DEUP1: variants seen among roughly 807,000 people sequenced by gnomAD.
DEUP1 encodes deuterosome assembly protein 1, also known as coiled-coil domain containing 67.
In DEUP1, 82 loss-of-function variants were observed where a neutral mutation model predicts 87.4. That is an observed-to-expected ratio of 0.94 (90% CI 0.78 to 1.13). DEUP1 has a LOEUF of 1.13. Ranked by LOEUF, DEUP1 falls within the 50% of genes most tolerant of loss-of-function variation. DEUP1 has a pLI of 0.00. For missense variants in DEUP1, 663 were observed against 681.5 expected (o/e 0.97, Z 0.30); for synonymous variants, 214 against 222.7 (o/e 0.96, Z 0.35).
chr11:93,356,435 A>G (rs1944899660), intron 3 of DEUP1, among the ~76,000 whole-genome samples: 1 of 152,204 alleles, frequency 6.6e-6, no homozygotes, highest in Non-Finnish European at 1.5e-5. Flanking sequence ...AGATATGTAA[A>G]CAAGTGCCTC....
At chr11:93,405,101 G>C (rs1947230222) in intron 11 of DEUP1, among the ~76,000 whole-genome samples, 1 of 151,764 alleles carries the variant, frequency 6.6e-6, no homozygotes, top group African/African-American at 2.4e-5. Flanking sequence ...TATAGGAAAA[G>C]CTTAAACAAA....
At chr11:93,427,359 A>T (rs1377121998) in intron 13 of DEUP1, among the ~76,000 whole-genome samples, 3 of 152,068 alleles carry the variant, frequency 2.0e-5, no homozygotes, top group Non-Finnish European at 2.9e-5. Flanking sequence ...AACCTGACAA[A>T]AATAAGCAAT....
In DEUP1 at chr11:93,351,029, C is replaced by T. The variant is rs184968870; in HGVS notation, c.30-4342C>T. On this transcript the variant is annotated intron_variant, in intron 2 of 13. Transcript: ENST00000298050. ...TCATATAAAAATGTATTTTAATAAA[C>T]ATATATTATATTTTCACATAATATA... is the stretch of plus-strand genomic sequence containing the variant. Among the ~76,000 whole-genome samples the T allele has an allele frequency of 9.0e-3, 1,317 of 146,520 alleles. 16 individuals carry two copies. Among genetic ancestry groups the T allele is most frequent in the African/African-American group, 0.032 (1,269 of 39,702 alleles).
intron 7 of DEUP1, among the ~76,000 whole-genome samples, chr11:93,373,391 T>G (rs1026978723): frequency 1.3e-5 from 2 of 151,976 alleles, no homozygotes; most frequent in Non-Finnish European, 2.9e-5. Flanking sequence ...ATCATTCTTA[T>G]GCCTTTGAAG....
In DEUP1 at chr11:93,385,434, T is replaced by A. The variant is rs377329942; in HGVS notation, c.826T>A (p.Leu276Ile). 2.5e-5 allele frequency: 41 copies of A among 1,612,688 alleles called. No individual in the cohort carries two copies. The highest frequency in any genetic ancestry group is 3.1e-5 in the Non-Finnish European group (37 of 1,179,452). The change falls in exon 8 of 14, where the codon TTA becomes ATA. Residue 276 changes from leucine (L) to isoleucine (I), a missense_variant. Leu to Ile is a conservative substitution (Grantham distance 5, BLOSUM62 2). Transcript: ENST00000298050. ...EAGLSEVKSE[L>I]QSRDDLLRII... ...AGGTCTCTCAGAGGTAAAAAGTGAG[T>A]TACAGTCACGTGATGATCTCTTGAG... is the stretch of plus-strand genomic sequence containing the variant.
chr11:93,399,025 A>G (rs573035687), intron 11 of DEUP1, among the ~76,000 whole-genome samples: 2 of 152,142 alleles, frequency 1.3e-5, no homozygotes, highest in East Asian at 3.9e-4. Context: ...GTCCACCCTC[A>G]TGTCAATTTT....
At chr11:93,430,629 A>C (rs1306823166) in intron 13 of DEUP1, among the ~76,000 whole-genome samples, 1 of 152,200 alleles carries the variant, frequency 6.6e-6, no homozygotes, top group Non-Finnish European at 1.5e-5. Context: ...CAGAGTTTTC[A>C]TTACGGATAA....
rs1327791020 is a variant in DEUP1 at position 93,393,065 on chromosome 11, CCTT to C, written c.1042-1385_1042-1383del. On this transcript the variant is annotated intron_variant, in intron 9 of 13. Coordinates refer to ENST00000298050, the MANE Select transcript of DEUP1 (RefSeq NM_181645.4). ...TCTACTTCTTTCTCCTCCTCCTCCTCCTTCTTCTTCTCTTCCTCCTTCTTTTTT... is the reference window on the plus strand; with the variant it reads ...TCTACTTCTTTCTCCTCCTCCTCCTCCTTCTTCTCTTCCTCCTTCTTTTTT... Among the ~76,000 whole-genome samples the C allele has an allele frequency of 6.3e-5, 9 of 142,150 alleles. 1 individual carries two copies. Among genetic ancestry groups the C allele is most frequent in the African/African-American group, 2.0e-4 (7 of 35,330 alleles). The allele number at this position is 142,150 out of a possible 152,430, so 93.3% of individuals were successfully genotyped here. A position where few individuals can be genotyped will look rare whatever the true frequency, so the allele number is the denominator to read the frequency against.
At chr11:93,385,749 A>G (rs1284611247) in intron 8 of DEUP1, among the ~76,000 whole-genome samples, 2 of 152,188 alleles carry the variant, frequency 1.3e-5, no homozygotes, top group Non-Finnish European at 2.9e-5. Flanking sequence ...AAATTATATC[A>G]TGTCCTGATT....
chr11:93,430,251 C>T (rs953003014), intron 13 of DEUP1, among the ~76,000 whole-genome samples: 4 of 151,890 alleles, frequency 2.6e-5, no homozygotes, highest in Admixed American at 6.6e-5. Flanking sequence ...GTATTGAGCA[C>T]CAACTATATG....
At chr11:93,427,785 A>G (rs1048058834) in intron 13 of DEUP1, among the ~76,000 whole-genome samples, 5 of 142,862 alleles carry the variant, frequency 3.5e-5, no homozygotes, top group Admixed American at 7.3e-5. Flanking sequence ...ACAAGAAAAA[A>G]ACAAACAACC....
chr11:93,355,687 G>A, intron 3 of DEUP1, 145 bp downstream of exon 3: 3 of 701,406 alleles, frequency 4.3e-6, no homozygotes, highest in Middle Eastern at 3.3e-4. Context: ...CAAATTATAG[G>A]CTAAATGTAT....
chr11:93,353,090 G>A (rs1446715559), intron 2 of DEUP1, among the ~76,000 whole-genome samples: 1 of 152,142 alleles, frequency 6.6e-6, no homozygotes, highest in Non-Finnish European at 1.5e-5. Context: ...TTCTACCTAT[G>A]AGCCTGTAAG....
At chr11:93,374,006 G>C (rs1296574350) in intron 7 of DEUP1, among the ~76,000 whole-genome samples, 7 of 152,204 alleles carry the variant, frequency 4.6e-5, no homozygotes, top group Non-Finnish European at 8.8e-5. Flanking sequence ...TTGCATTGTG[G>C]TTTTGATTTG....
intron 13 of DEUP1, among the ~76,000 whole-genome samples, chr11:93,415,395 G>A (rs1402550246): frequency 6.6e-6 from 1 of 152,046 alleles, no homozygotes; most frequent in Admixed American, 6.6e-5. Context: ...GAGTGCTTGG[G>A]ACTCACCCTT....
intron 12 of DEUP1, among the ~76,000 whole-genome samples, chr11:93,414,458 G>A (rs914968810): frequency 6.6e-6 from 1 of 152,086 alleles, no homozygotes; most frequent in East Asian, 1.9e-4. Flanking sequence ...AGTGAGCTGC[G>A]ATCGCGCCAC....
chr11:93,435,846 A>G (rs1004886894), intron 13 of DEUP1, among the ~76,000 whole-genome samples: 9 of 152,042 alleles, frequency 5.9e-5, no homozygotes, highest in Admixed American at 5.9e-4. Context: ...AATACAAAAA[A>G]TTAGCCGGGA....
intron 9 of DEUP1, among the ~76,000 whole-genome samples, chr11:93,392,225 T>A (rs1239658494): frequency 6.6e-6 from 1 of 152,198 alleles, no homozygotes; most frequent in African/African-American, 2.4e-5. Context: ...CCAATCTCTC[T>A]GTAGGTGTCA....
intron 5 of DEUP1, among the ~76,000 whole-genome samples, chr11:93,368,953 A>G (rs928729387): frequency 6.6e-6 from 1 of 151,924 alleles, no homozygotes; most frequent in Non-Finnish European, 1.5e-5. Flanking sequence ...AGAAAAAAGA[A>G]AAAAAAGAAA....
Sources: allele counts gnomAD v4.1 joint callset (sites outside exome capture counted in the v4.1 genomes callset), GRCh38; gene constraint gnomAD v4.1.1; transcripts MANE v1.5; gene names NCBI Gene and HGNC (gene_info 2026-07-23, HGNC 2026-07-21).